The following CFAP20DC variants were observed in gnomAD, a reference collection of about 807,000 sequenced individuals.
CFAP20DC encodes the protein protein CFAP20DC.
A neutral mutation model predicts 101.7 loss-of-function variants in CFAP20DC; 84 were observed. The ratio of observed to expected loss-of-function variants is 0.83; its 90% CI spans 0.69 to 0.99. The LOEUF (loss-of-function observed/expected upper bound fraction) is 0.99. Among genes scored for constraint, CFAP20DC ranks in the 50% least tolerant of loss-of-function variants. The pLI is 0.00. For missense variants in CFAP20DC, 1,007 were observed against 970.3 expected, an observed-to-expected ratio of 1.04 and a Z score of -0.50; for synonymous variants, 359 against 351.2, an observed-to-expected ratio of 1.02 and a Z score of -0.25.
intron 4 of CFAP20DC, among the ~76,000 whole-genome samples, chr3:58,985,880 C>G (rs1040454797): frequency 6.6e-6 from 1 of 152,144 alleles, no homozygotes; most frequent in Non-Finnish European, 1.5e-5. Context: ...TCTTATTCAT[C>G]TTTGTATCGC....
intron 15 of CFAP20DC, among the ~76,000 whole-genome samples, chr3:58,791,936 C>T (rs2072892895): frequency 6.6e-6 from 1 of 152,146 alleles, no homozygotes; most frequent in Non-Finnish European, 1.5e-5. Flanking sequence ...GGTTAGTTGG[C>T]TCCACCCCCA....
chr3:58,768,600 A>T (rs1333399912), intron 15 of CFAP20DC, among the ~76,000 whole-genome samples: 1 of 152,214 alleles, frequency 6.6e-6, no homozygotes, highest in African/African-American at 2.4e-5. Context: ...TCCTCTAGCC[A>T]ATCTGGTCTC....
chr3:58,863,195 C>G lies in CFAP20DC; in HGVS notation c.1593+363G>C. The G allele has an allele frequency of 8.6e-7, 1 of 1,160,620 alleles. No homozygotes were observed. Among genetic ancestry groups the G allele is most frequent in the Non-Finnish European group, 1.1e-6 (1 of 944,764 alleles). 71.9% of individuals were successfully genotyped at this position (1,160,620 alleles called of 1,614,324 possible). On this transcript the variant is annotated intron_variant, in intron 12 of 16. Transcript: ENST00000482387. The surrounding 1 kb of genome is among the most constrained non-coding windows in gnomAD (Gnocchi z 5.9). Reference sequence around the variant, plus strand: ...AATTTAGAATGCTTAGCAACTGCAACACAATTTCTCCAGAGATCTAGAACA... The same window carrying G: ...AATTTAGAATGCTTAGCAACTGCAAGACAATTTCTCCAGAGATCTAGAACA...
intron 15 of CFAP20DC, among the ~76,000 whole-genome samples, chr3:58,804,743 A>C (rs1197556710): frequency 6.6e-6 from 1 of 152,206 alleles, no homozygotes; most frequent in Non-Finnish European, 1.5e-5. Flanking sequence ...AGAAAAAATA[A>C]TTTGTTAGGC....
At position 58,811,936 on chromosome 3, in the gene CFAP20DC, C is replaced by G. The variant is rs141007056; in HGVS notation, c.2176-5480G>C. On this transcript the variant is annotated intron_variant, in intron 14 of 16. Coordinates refer to ENST00000482387, the MANE Select transcript of CFAP20DC (RefSeq NM_001394063.1). ...TTCTCAAAAGAGACATTTATGCAGCCAAAAAACACATGAAAAAATGCTTAC... is the reference window on the plus strand; with the variant it reads ...TTCTCAAAAGAGACATTTATGCAGCGAAAAAACACATGAAAAAATGCTTAC... Among the ~76,000 whole-genome samples the G allele has an allele frequency of 7.5e-3, 1,141 of 152,100 alleles. 18 individuals are homozygous for G. The highest frequency in any genetic ancestry group is 0.025 in the African/African-American group (1,058 of 41,510).
At chr3:58,740,254 C>G (rs964481988), downstream of CFAP20DC, among the ~76,000 whole-genome samples, 17 of 152,280 alleles carry the variant, frequency 1.1e-4, no homozygotes, top group East Asian at 3.3e-3. The surrounding 1 kb of genome is among the most constrained non-coding windows in gnomAD (Gnocchi z 4.6). Context: ...GGATAGACAT[C>G]TGTGGTTTTT....
At chr3:58,884,832 AC>A in intron 6 of CFAP20DC, 123 bp from the exon 7 acceptor site, 1 of 767,086 alleles carries the variant, frequency 1.3e-6, no homozygotes, top group East Asian at 2.7e-5. Context: ...GAGTTATTCA[AC>A]CTTTCAGCCC....
intron 4 of CFAP20DC, among the ~76,000 whole-genome samples, chr3:58,949,128 T>G: frequency 6.6e-6 from 1 of 152,224 alleles, no homozygotes; most frequent in Non-Finnish European, 1.5e-5. Context: ...GTGGGATTGG[T>G]GGTGATATCC....
In CFAP20DC at chr3:58,933,761, ACG is replaced by A. The variant is rs879615955; in HGVS notation, c.393+3885_393+3886del. Among the ~76,000 whole-genome samples, 142 of 151,860 alleles carry A rather than the reference ACG, an allele frequency of 9.4e-4. 1 individual carries two copies. Among genetic ancestry groups the A allele is most frequent in the Non-Finnish European group, 1.7e-3 (115 of 67,902 alleles). On this transcript the variant is annotated intron_variant, in intron 5 of 16. Coordinates refer to ENST00000482387, the MANE Select transcript of CFAP20DC (RefSeq NM_001394063.1). ...CACAACATACCAGAATCTCTGGGAC[ACG>A]TTCAAAGCAGTGTGTAGAGGGAAAT...
At chr3:58,887,817 G>C (rs2081782580) in intron 6 of CFAP20DC, among the ~76,000 whole-genome samples, 1 of 152,110 alleles carries the variant, frequency 6.6e-6, no homozygotes, top group African/African-American at 2.4e-5. Flanking sequence ...TATAAAACCT[G>C]CAATAAAAGG....
chr3:58,961,525 G>A (rs2091136360), intron 4 of CFAP20DC, among the ~76,000 whole-genome samples: 1 of 152,094 alleles, frequency 6.6e-6, no homozygotes, highest in Non-Finnish European at 1.5e-5. Context: ...CTGCACTCCA[G>A]CCTGGGCAAC....
chr3:58,894,690 C>T lies in CFAP20DC; in HGVS notation c.551-9981G>A, dbSNP rs1223922167. The stretch of plus-strand genomic sequence containing the variant: ...TTGGAGGATGGTGGCCCTCTTCTTA[C>T]AGCTCCACTAGATGGTGCCCCAGTA... On this transcript the variant is annotated intron_variant, in intron 6 of 16. Transcript: ENST00000482387. The surrounding 1 kb of genome is among the most constrained non-coding windows in gnomAD (Gnocchi z 4.1). Among the ~76,000 whole-genome samples, 1 of 152,214 alleles carries T rather than the reference C, an allele frequency of 6.6e-6. No individual in the cohort carries two copies. Among genetic ancestry groups the T allele is most frequent in the Non-Finnish European group, 1.5e-5 (1 of 68,036 alleles).
chr3:58,848,519 A>T (rs183564177), intron 13 of CFAP20DC, among the ~76,000 whole-genome samples: 1 of 152,216 alleles, frequency 6.6e-6, no homozygotes, highest in East Asian at 1.9e-4. Flanking sequence ...AATCTGATGG[A>T]CACGAATACA....
chr3:58,811,456 A>G (rs1403024017), intron 14 of CFAP20DC, among the ~76,000 whole-genome samples: 2 of 152,156 alleles, frequency 1.3e-5, no homozygotes, highest in Non-Finnish European at 2.9e-5. Flanking sequence ...CAATGGGGAA[A>G]GGATTCCCTA....
chr3:58,996,145 C>T (rs1204612541), intron 4 of CFAP20DC, among the ~76,000 whole-genome samples: 1 of 151,886 alleles, frequency 6.6e-6, no homozygotes, highest in Admixed American at 6.6e-5. Flanking sequence ...TTCTAGGTAA[C>T]AACACCATAA....
chr3:58,886,955 A>G (rs901343831), intron 6 of CFAP20DC, among the ~76,000 whole-genome samples: 1 of 152,206 alleles, frequency 6.6e-6, no homozygotes, highest in Non-Finnish European at 1.5e-5. Flanking sequence ...TCATCCCCCA[A>G]AAAACTTCCT....
chr3:58,994,542 C>T (rs2093049010), intron 4 of CFAP20DC, among the ~76,000 whole-genome samples: 1 of 152,142 alleles, frequency 6.6e-6, no homozygotes, highest in Non-Finnish European at 1.5e-5. Context: ...GTCTTTAAAA[C>T]TGTGTTCTTC....
chr3:58,963,551 A>G (rs1364440349), intron 4 of CFAP20DC, among the ~76,000 whole-genome samples: 2 of 152,112 alleles, frequency 1.3e-5, no homozygotes, highest in Non-Finnish European at 2.9e-5. Flanking sequence ...ACTAAAAATG[A>G]TTTTTATATA....
chr3:58,728,645 T>A lies in CFAP20DC; in HGVS notation c.198-11017A>T, dbSNP rs572813480. On this transcript the variant is annotated intron_variant, in intron 3 of 3. Transcript: ENST00000486145. The surrounding 1 kb of genome is among the most constrained non-coding windows in gnomAD (Gnocchi z 4.7). ...AAATGAATGAATGTCAGAGTTCCAT[T>A]CATTTTAGGCTGATTGTGGAGGAAA... 7.3e-4 allele frequency among the ~76,000 whole-genome samples: 111 copies of A among 152,326 alleles called. No homozygotes were observed. The highest frequency in any genetic ancestry group is 1.4e-3 in the Non-Finnish European group (92 of 68,018).
Sources: allele counts gnomAD v4.1 joint callset (sites outside exome capture counted in the v4.1 genomes callset), GRCh38; gene constraint gnomAD v4.1.1; non-coding constraint Gnocchi (gnomAD v3.1); transcripts MANE v1.5; gene names NCBI Gene and HGNC (gene_info 2026-07-23, HGNC 2026-07-21).